CFAP52: variants seen among roughly 807,000 people sequenced by gnomAD.
CFAP52 encodes cilia and flagella associated protein 52, also known as cilia- and flagella-associated protein 52.
Under a neutral mutation model 70.5 loss-of-function variants are expected in CFAP52, and 57 were observed. The observed-to-expected ratio is 0.81, with a 90% CI of 0.65 to 1.01. CFAP52 has a LOEUF of 1.01. CFAP52 is among the 50% of genes least tolerant of loss of function. The pLI is 0.00. For synonymous variants in CFAP52, 267 were observed against 292.5 expected, an observed-to-expected ratio of 0.91 and a Z score of 0.89; for missense variants, 785 against 788.5, an observed-to-expected ratio of 1.00 and a Z score of 0.05.
At chr17:9,587,832 C>T (rs998884640) in intron 3 of CFAP52, among the ~76,000 whole-genome samples, 10 of 152,126 alleles carry the variant, frequency 6.6e-5, no homozygotes, top group East Asian at 3.9e-4. Flanking sequence ...TGACAAGGGC[C>T]CTGTCCCCTC....
chr17:9,611,975 A>G (rs1423032571), intron 7 of CFAP52, among the ~76,000 whole-genome samples: 5 of 152,190 alleles, frequency 3.3e-5, no homozygotes, highest in African/African-American at 9.7e-5. Context: ...CAGAAGTGGA[A>G]TTAATAAAGG....
At chr17:9,586,674 C>T in intron 2 of CFAP52, 24 bp from the exon 3 acceptor site, 1 of 1,591,906 alleles carries the variant, frequency 6.3e-7, no homozygotes, top group Non-Finnish European at 8.5e-7. Context: ...TCCCTATGAT[C>T]TGACGGTGTG....
intron 7 of CFAP52, chr17:9,610,173 A>C (rs1909659571): frequency 6.6e-6 from 1 of 152,210 alleles, no homozygotes; most frequent in Non-Finnish European, 1.5e-5. Flanking sequence ...AGTATTGTCG[A>C]TAATACAAGA....
intron 1 of CFAP52, among the ~76,000 whole-genome samples, chr17:9,578,923 G>A (rs972079065): frequency 6.6e-6 from 1 of 152,094 alleles, no homozygotes; most frequent in Non-Finnish European, 1.5e-5. Context: ...TCAATCTTAT[G>A]ATCTCTATTT....
chr17:9,642,812 G>A (rs1392090096), intron 13 of CFAP52, among the ~76,000 whole-genome samples: 1 of 152,136 alleles, frequency 6.6e-6, no homozygotes, highest in African/African-American at 2.4e-5. Flanking sequence ...GGTTATTTCT[G>A]GGTAGTGGGA....
chr17:9,627,627 C>T lies in CFAP52; in HGVS notation c.1026-1045C>T, dbSNP rs540985195. Among the ~76,000 whole-genome samples the T allele has an allele frequency of 7.9e-5, 12 of 152,238 alleles. No individual in the cohort carries two copies. The South Asian group carries it at 1.9e-3, about 24-fold the overall frequency. On this transcript the variant is annotated intron_variant, in intron 8 of 13. Coordinates refer to ENST00000352665, the MANE Select transcript of CFAP52 (RefSeq NM_145054.5). ...TTATCTCAAGAAATGTTATAGGTGT[C>T]GACTTATCTTCAAACTCAGGTAATA...
Position 9,594,287 on chromosome 17 carries a change from A to G in CFAP52, c.502A>G (p.Arg168Gly). The stretch of plus-strand genomic sequence containing the variant: ...CAATGCCACCAATGTGATCTTCTCC[A>G]GGTGCCGGGATGAGATGTTTATGAC... ...VGNATNVIFS[R>G]CRDEMFMTAG... Residue 168 changes from arginine to glycine, a missense_variant, in exon 4 of 14, where the codon AGG becomes GGG. Physicochemically the swap from Arg to Gly is moderately radical, Grantham distance 125 (BLOSUM62 -2). Transcript: ENST00000352665. 1 of 1,613,964 alleles carries G rather than the reference A, an allele frequency of 6.2e-7. No homozygotes were observed. Among genetic ancestry groups the G allele is most frequent in the Non-Finnish European group, 8.5e-7 (1 of 1,179,972 alleles).
chr17:9,604,040 T>C (rs1022016248), intron 6 of CFAP52, among the ~76,000 whole-genome samples: 10 of 151,534 alleles, frequency 6.6e-5, no homozygotes, highest in African/African-American at 2.4e-4. Context: ...GCAAAGGAAA[T>C]ACAATGGAAA....
At chr17:9,577,541 G>A (rs1271510057) in intron 1 of CFAP52, among the ~76,000 whole-genome samples, 2 of 152,212 alleles carry the variant, frequency 1.3e-5, no homozygotes, top group South Asian at 2.1e-4. Context: ...TTTCAAAAAT[G>A]TGTGTTGTGA....
intron 8 of CFAP52, among the ~76,000 whole-genome samples, chr17:9,623,642 C>T (rs1349863110): frequency 6.6e-6 from 1 of 151,712 alleles, no homozygotes; most frequent in Admixed American, 6.6e-5. Flanking sequence ...GTTACCTTTC[C>T]CCTCTCTAAA....
At chr17:9,635,029 A>G (rs1261177058) in intron 10 of CFAP52, among the ~76,000 whole-genome samples, 1 of 152,186 alleles carries the variant, frequency 6.6e-6, no homozygotes, top group African/African-American at 2.4e-5. Context: ...GTACTCACGA[A>G]CTTTCCTGAC....
intron 7 of CFAP52, among the ~76,000 whole-genome samples, chr17:9,611,482 G>A (rs1296237401): frequency 2.0e-5 from 3 of 151,944 alleles, no homozygotes; most frequent in African/African-American, 7.3e-5. Context: ...AGACTCCCAA[G>A]TAGCTGGGAC....
chr17:9,640,047 A>G (rs1910981733), intron 12 of CFAP52, among the ~76,000 whole-genome samples: 1 of 152,202 alleles, frequency 6.6e-6, no homozygotes, highest in Non-Finnish European at 1.5e-5. Flanking sequence ...ATCAACAGAC[A>G]TTACAAAGCA....
rs1422634682 is a variant in CFAP52 at position 9,635,512 on chromosome 17, T to G, written c.1428T>G (p.Cys476Trp). 1.7e-5 allele frequency: 28 copies of G among 1,614,174 alleles called. No individual in the cohort carries two copies. Among genetic ancestry groups the G allele is most frequent in the Non-Finnish European group, 2.4e-5 (28 of 1,180,046 alleles). The change falls in exon 11 of 14, where the codon TGT becomes TGG. Residue 476 changes from cysteine to tryptophan, a missense_variant. Physicochemically the swap from Cys to Trp is radical, Grantham distance 215 (BLOSUM62 -2). Transcript: ENST00000352665. ...GGGTGAAGAGGAACAACGAGGAGTG[T>G]GTCACCGCCAGCACCGATGGGACTT... ...CIRVKRNNEE[C>W]VTASTDGTCI...
At chr17:9,604,122 C>T (rs1204700982) in intron 6 of CFAP52, among the ~76,000 whole-genome samples, 1 of 152,144 alleles carries the variant, frequency 6.6e-6, no homozygotes, top group African/African-American at 2.4e-5. Context: ...AAAGCCTAGA[C>T]ACAGACCTTA....
Position 9,627,044 on chromosome 17 carries a change from A to C in CFAP52, c.1026-1628A>C, listed in dbSNP as rs60552428. Among the ~76,000 whole-genome samples the C allele has an allele frequency of 6.4e-3, 962 of 151,314 alleles. 14 individuals carry two copies. The highest frequency in any genetic ancestry group is 0.022 in the African/African-American group (900 of 41,222). ...TTGTACCCCAATATTACTTCTTCTT[A>C]TTATTTGAATTGGAATAATCTGTAA... is the stretch of plus-strand genomic sequence containing the variant. On this transcript the variant is annotated intron_variant, in intron 8 of 13. Coordinates refer to ENST00000352665, the MANE Select transcript of CFAP52 (RefSeq NM_145054.5).
intron 4 of CFAP52, among the ~76,000 whole-genome samples, chr17:9,597,851 AAG>A (rs1233790393): frequency 6.8e-6 from 1 of 147,104 alleles, no homozygotes; most frequent in African/African-American, 2.5e-5. Flanking sequence ...GAGAGAGAGA[AAG>A]AGAGAGAGAA....
chr17:9,630,524 G>T (rs1243546917), intron 9 of CFAP52, among the ~76,000 whole-genome samples: 1 of 149,002 alleles, frequency 6.7e-6, no homozygotes, highest in Non-Finnish European at 1.5e-5. Context: ...CCGCCTCCCG[G>T]GTTCACGCCA....
intron 2 of CFAP52, 65 bp from the exon 3 acceptor site, chr17:9,586,633 G>T: frequency 6.7e-7 from 1 of 1,495,412 alleles, no homozygotes; most frequent in Non-Finnish European, 8.9e-7. Flanking sequence ...CACCAAGAAG[G>T]GTAGCTATCT....
Sources: allele counts gnomAD v4.1 joint callset (sites outside exome capture counted in the v4.1 genomes callset), GRCh38; gene constraint gnomAD v4.1.1; transcripts MANE v1.5; gene names NCBI Gene and HGNC (gene_info 2026-07-23, HGNC 2026-07-21).